Variants in CDC14A observed in about 807,000 individuals in gnomAD.
CDC14A encodes the protein cell division cycle 14A.
A neutral mutation model predicts 74.4 loss-of-function variants in CDC14A; 53 were observed. That is an observed-to-expected ratio of 0.71 (90% CI 0.57 to 0.89). The LOEUF (loss-of-function observed/expected upper bound fraction) is 0.89, where lower values mean the gene tolerates loss of function less well. Ranked by LOEUF, CDC14A falls within the 40% of genes least tolerant of loss-of-function variation. The pLI is 0.00. For synonymous variants in CDC14A, 247 were observed against 258.4 expected (o/e 0.96, Z 0.43); for missense variants, 646 against 713.7 (o/e 0.91, Z 1.08).
chr1:100,412,696 T>TTTTATATATATATATC (rs1460131157), intron 4 of CDC14A, among the ~76,000 whole-genome samples: 1 of 74,138 alleles, frequency 1.3e-5, no homozygotes, highest in Non-Finnish European at 2.1e-5. Context: ...CCTGTATGTT[T>TTTTATATATATATATC]TATATATATA....
At position 100,467,978 on chromosome 1, in the gene CDC14A, A is replaced by G. The variant is rs926851175; in HGVS notation, c.861A>G (p.Thr287=). 6.2e-7 allele frequency: 1 copy of G among 1,604,016 alleles called. No homozygotes were observed. The stretch of plus-strand genomic sequence containing the variant: ...CAGCTGGTCTTGGAAGAACAGGGAC[A>G]TTGATAGCCTGTTATGTAATGAAAC... The part of the protein sequence containing the change: ...HCKAGLGRTG[T]LIACYVMKHY... The change falls in exon 10 of 16, where the codon ACA becomes ACG. Residue 287 remains threonine (T), a synonymous_variant. Transcript: ENST00000336454.
At chr1:100,481,931 G>T (rs931976040) in intron 10 of CDC14A, among the ~76,000 whole-genome samples, 1 of 152,192 alleles carries the variant, frequency 6.6e-6, no homozygotes, top group Non-Finnish European at 1.5e-5. Context: ...ATAAAAGCTA[G>T]CATGGTTTGC....
In CDC14A at chr1:100,498,411, CTCT is replaced by C. The variant is rs1466186374; in HGVS notation, c.1421+211_1421+213del. Among the ~76,000 whole-genome samples, 3 of 152,168 alleles carry C rather than the reference CTCT, an allele frequency of 2.0e-5. No homozygotes were observed. In the East Asian group the frequency reaches 5.8e-4, roughly 29 times the overall value. On this transcript the variant is annotated intron_variant, in intron 14 of 15. Coordinates refer to ENST00000336454, the MANE Select transcript of CDC14A (RefSeq NM_003672.4). ...TGTGGAGGGAATGGTGCAAAGCGTG[CTCT>C]TCTTCTAGAGAGTGAGCAGCTGGCT... is the stretch of plus-strand genomic sequence containing the variant.
intron 4 of CDC14A, among the ~76,000 whole-genome samples, chr1:100,397,383 G>A (rs186429806): frequency 6.6e-6 from 1 of 152,334 alleles, no homozygotes; most frequent in East Asian, 1.9e-4. Flanking sequence ...GCAACACTCA[G>A]TGCAGTTTTG....
intron 11 of CDC14A, among the ~76,000 whole-genome samples, chr1:100,487,571 A>AAAAC (rs370913867): frequency 0.88 from 129,317 of 147,368 alleles, 58,486 homozygotes; most frequent in Non-Finnish European, 0.99. Context: ...AAAACAAAAC[A>AAAAC]GAACAAAACA....
upstream of CDC14A, among the ~76,000 whole-genome samples, chr1:100,349,376 C>G (rs1384530183): frequency 1.3e-5 from 2 of 152,114 alleles, no homozygotes; most frequent in African/African-American, 4.8e-5. Context: ...AAGTTTATAT[C>G]AAGTTTCGTG....
chr1:100,457,854 T>C (rs1222183663), intron 8 of CDC14A, among the ~76,000 whole-genome samples: 2 of 152,148 alleles, frequency 1.3e-5, no homozygotes, highest in Non-Finnish European at 2.9e-5. Context: ...TTTAACCAGA[T>C]GAAGTTTTTC....
intron 5 of CDC14A, among the ~76,000 whole-genome samples, chr1:100,429,292 A>T (rs1160173206): frequency 1.3e-5 from 2 of 152,078 alleles, no homozygotes; most frequent in East Asian, 3.8e-4. Context: ...GACAATAAAT[A>T]ACATCCAGGG....
chr1:100,391,938 CT>C (rs1197069230), intron 4 of CDC14A, among the ~76,000 whole-genome samples: 1 of 152,208 alleles, frequency 6.6e-6, no homozygotes, highest in Non-Finnish European at 1.5e-5. Flanking sequence ...TGGCAGCATT[CT>C]TTCTTGCTCT....
At chr1:100,446,517 A>G (rs1665557942) in intron 7 of CDC14A, among the ~76,000 whole-genome samples, 2 of 152,238 alleles carry the variant, frequency 1.3e-5, no homozygotes, top group South Asian at 4.1e-4. Context: ...TGTGAAAGTC[A>G]TATCATGAAA....
chr1:100,501,631 G>A (rs188632717), intron 15 of CDC14A, among the ~76,000 whole-genome samples: 26 of 152,208 alleles, frequency 1.7e-4, no homozygotes, highest in East Asian at 1.9e-4. Context: ...ACTTTATATC[G>A]TTATTTTAGA....
intron 3 of CDC14A, 53 bp downstream of exon 3, chr1:100,377,674 G>T (rs1273216366): frequency 2.2e-6 from 3 of 1,353,808 alleles, no homozygotes; most frequent in Non-Finnish European, 3.2e-6. Context: ...TGAACCATAG[G>T]ATCTGCTCAG....
chr1:100,363,400 C>T (rs1651965624), intron 2 of CDC14A, among the ~76,000 whole-genome samples: 2 of 152,164 alleles, frequency 1.3e-5, no homozygotes, highest in South Asian at 4.1e-4. Context: ...ACCCTCAGTA[C>T]CTGCCTAAGT....
chr1:100,370,433 T>A (rs1043121207), intron 2 of CDC14A, among the ~76,000 whole-genome samples: 1 of 152,076 alleles, frequency 6.6e-6, no homozygotes, highest in Non-Finnish European at 1.5e-5. Flanking sequence ...TTCTGGGACA[T>A]TTAGTTTGAG....
chr1:100,462,447 A>G (rs1667400431), intron 8 of CDC14A: 1 of 561,650 alleles, frequency 1.8e-6, no homozygotes, highest in Non-Finnish European at 3.2e-6. Flanking sequence ...GTACTTACAG[A>G]AGTTTTCTTT....
intron 2 of CDC14A, among the ~76,000 whole-genome samples, chr1:100,369,786 AG>A (rs1363022270): frequency 6.6e-6 from 1 of 151,114 alleles, no homozygotes; most frequent in Non-Finnish European, 1.5e-5. Context: ...TTCTTTCCTG[AG>A]GCCGATATTT....
At chr1:100,477,673 G>A (rs774240078) in intron 10 of CDC14A, among the ~76,000 whole-genome samples, 2 of 151,110 alleles carry the variant, frequency 1.3e-5, no homozygotes, top group Non-Finnish European at 3.0e-5. Context: ...AGAGTATGAA[G>A]TCAATGATGA....
At position 100,412,723 on chromosome 1, in the gene CDC14A, T is replaced by TATTTATATATATATATATA. The variant is rs1491148182; in HGVS notation, c.310-11499_310-11498insATTTATATATATATATATA. Among the ~76,000 whole-genome samples the TATTTATATATATATATATA allele has an allele frequency of 1.4e-4, 12 of 83,718 alleles. 1 individual carries two copies. Among genetic ancestry groups the TATTTATATATATATATATA allele is most frequent in the African/African-American group, 1.2e-3 (12 of 9,914 alleles). 54.9% of individuals were successfully genotyped at this position (83,718 alleles called of 152,430 possible). On this transcript the variant is annotated intron_variant, in intron 4 of 15. Coordinates refer to ENST00000336454, the MANE Select transcript of CDC14A (RefSeq NM_003672.4). ...ATATATATATATATATATATATATA[T>TATTTATATATATATATATA]TTTATATATATATATTTTATATATA...
intron 1 of CDC14A, among the ~76,000 whole-genome samples, chr1:100,353,396 C>A (rs959581430): frequency 2.0e-5 from 3 of 152,224 alleles, no homozygotes; most frequent in African/African-American, 7.2e-5. Flanking sequence ...TTTTTCAAAT[C>A]TCCGAAGCTG....
Sources: gnomAD v4.1 joint callset for allele counts (sites outside exome capture counted in the v4.1 genomes callset) on GRCh38, gnomAD v4.1.1 for gene constraint, MANE v1.5 for transcripts, NCBI Gene and HGNC (gene_info 2026-07-23, HGNC 2026-07-21) for gene names.